GRID2: variants seen among roughly 807,000 people sequenced by gnomAD.
The protein encoded by GRID2 is glutamate ionotropic receptor delta type subunit 2.
A neutral mutation model predicts 114.8 loss-of-function variants in GRID2; 33 were observed. The ratio of observed to expected loss-of-function variants is 0.29; its 90% CI spans 0.22 to 0.38. The LOEUF (loss-of-function observed/expected upper bound fraction) is 0.38. Ranked by LOEUF, GRID2 falls within the 10% of genes least tolerant of loss-of-function variation. The pLI, the probability that GRID2 is intolerant of heterozygous loss-of-function variation, is 1.00. For synonymous variants in GRID2, 505 were observed against 449.9 expected, an observed-to-expected ratio of 1.12 and a Z score of -1.55; for missense variants, 1,184 against 1,257.7, an observed-to-expected ratio of 0.94 and a Z score of 0.89.
intron 9 of GRID2, among the ~76,000 whole-genome samples, chr4:93,397,015 A>G (rs1765395040): frequency 6.6e-6 from 1 of 152,038 alleles, no homozygotes; most frequent in African/African-American, 2.4e-5. Flanking sequence ...ATTAGTAAAT[A>G]GGAGAGGAAG....
At chr4:92,895,652 CATATT>C (rs967291209) in intron 2 of GRID2, among the ~76,000 whole-genome samples, 1 of 151,932 alleles carries the variant, frequency 6.6e-6, no homozygotes, top group African/African-American at 2.4e-5. Context: ...TAAAGACTCT[CATATT>C]GAGTTGAAAG....
intron 2 of GRID2, among the ~76,000 whole-genome samples, chr4:92,870,435 C>T (rs778121607): frequency 3.9e-5 from 6 of 151,938 alleles, no homozygotes; most frequent in South Asian, 4.2e-4. Flanking sequence ...TTCATAAGAA[C>T]GTAGTGAATA....
chr4:92,453,434 G>A (rs1367475997), intron 1 of GRID2, among the ~76,000 whole-genome samples: 3 of 152,164 alleles, frequency 2.0e-5, no homozygotes, highest in Non-Finnish European at 2.9e-5. Flanking sequence ...ATGGCCTCAC[G>A]TATGTATATT....
At chr4:93,479,594 G>C (rs779643739) in intron 11 of GRID2, among the ~76,000 whole-genome samples, 7 of 152,056 alleles carry the variant, frequency 4.6e-5, no homozygotes, top group Non-Finnish European at 1.0e-4. Context: ...GGGATGGGGC[G>C]GGGAACTAGC....
chr4:93,383,942 G>T (rs886495429), intron 8 of GRID2, among the ~76,000 whole-genome samples: 3 of 152,094 alleles, frequency 2.0e-5, no homozygotes, highest in Non-Finnish European at 2.9e-5. Context: ...AAGAAAAGGG[G>T]CTGTCTTAGA....
At chr4:93,009,361 G>T (rs1046529917) in intron 2 of GRID2, among the ~76,000 whole-genome samples, 2 of 152,096 alleles carry the variant, frequency 1.3e-5, no homozygotes, top group African/African-American at 2.4e-5. Flanking sequence ...AATAATCAGG[G>T]TCTGGTGAGA....
chr4:92,758,491 G>A (rs12500864), intron 2 of GRID2, among the ~76,000 whole-genome samples: 2 of 151,954 alleles, frequency 1.3e-5, no homozygotes, highest in African/African-American at 2.4e-5. Flanking sequence ...AGTCAAATAG[G>A]CCTGACTACA....
intron 2 of GRID2, among the ~76,000 whole-genome samples, chr4:92,834,169 A>G (rs1742301804): frequency 2.6e-5 from 4 of 152,176 alleles, no homozygotes; most frequent in Admixed American, 6.6e-5. Flanking sequence ...GTAAGAAACA[A>G]ATGCTAGTAC....
At chr4:93,426,706 A>T in intron 10 of GRID2, among the ~76,000 whole-genome samples, 1 of 152,118 alleles carries the variant, frequency 6.6e-6, no homozygotes, top group East Asian at 1.9e-4. Flanking sequence ...TGTTCTTCAT[A>T]AACAATCAAT....
chr4:93,144,062 G>C (rs544645360), intron 4 of GRID2, among the ~76,000 whole-genome samples: 1 of 152,188 alleles, frequency 6.6e-6, no homozygotes, highest in South Asian at 2.1e-4. Context: ...TTGGAGGGTT[G>C]GGCAAAACAT....
intron 8 of GRID2, chr4:93,318,848 C>G (rs969740407): frequency 1.3e-5 from 2 of 152,086 alleles, no homozygotes; most frequent in Non-Finnish European, 2.9e-5. Flanking sequence ...GATGAGATAT[C>G]CACAGGCAGC....
At chr4:92,892,089 G>A (rs1746830317) in intron 2 of GRID2, among the ~76,000 whole-genome samples, 1 of 151,590 alleles carries the variant, frequency 6.6e-6, no homozygotes, top group Non-Finnish European at 1.5e-5. Flanking sequence ...TTGAGATGGA[G>A]TTTTGCTCTT....
chr4:92,454,278 C>T (rs1166451548), intron 1 of GRID2, among the ~76,000 whole-genome samples: 1 of 151,936 alleles, frequency 6.6e-6, no homozygotes, highest in Non-Finnish European at 1.5e-5. Context: ...TATTCATTAC[C>T]TGATCAGCAA....
chr4:92,805,276 TAC>T (rs1213682203), intron 2 of GRID2, among the ~76,000 whole-genome samples: 3 of 152,092 alleles, frequency 2.0e-5, no homozygotes, highest in African/African-American at 7.2e-5. Flanking sequence ...ACCTCATTTA[TAC>T]AGTTATTTTA....
intron 2 of GRID2, among the ~76,000 whole-genome samples, chr4:92,768,136 C>A (rs1478116040): frequency 6.6e-6 from 1 of 151,902 alleles, no homozygotes; most frequent in Non-Finnish European, 1.5e-5. Flanking sequence ...AAATTATTTT[C>A]TTTTTTAACC....
chr4:93,239,333 C>T (rs1019105405), intron 8 of GRID2, among the ~76,000 whole-genome samples: 3 of 133,342 alleles, frequency 2.2e-5, no homozygotes, highest in African/African-American at 9.7e-5. Flanking sequence ...GATTTGCTAT[C>T]TATCTATCTA....
At chr4:93,082,927 GA>G (rs1729999888) in intron 2 of GRID2, among the ~76,000 whole-genome samples, 1 of 152,012 alleles carries the variant, frequency 6.6e-6, no homozygotes, top group Admixed American at 6.6e-5. Context: ...TTTCATTTTG[GA>G]ATATATCCTT....
intron 2 of GRID2, among the ~76,000 whole-genome samples, chr4:92,707,909 G>A (rs1426589576): frequency 1.3e-5 from 2 of 152,132 alleles, no homozygotes; most frequent in Admixed American, 6.6e-5. Flanking sequence ...GAATTATTCT[G>A]CAGAATTAAA....
At chr4:92,801,990 T>C (rs1740195766) in intron 2 of GRID2, among the ~76,000 whole-genome samples, 1 of 151,942 alleles carries the variant, frequency 6.6e-6, no homozygotes, top group South Asian at 2.1e-4. Context: ...CCACATTGTT[T>C]TTTTTAAAAA....
Sources: gnomAD v4.1 joint callset for allele counts (sites outside exome capture counted in the v4.1 genomes callset) on GRCh38, gnomAD v4.1.1 for gene constraint, MANE v1.5 for transcripts, NCBI Gene and HGNC (gene_info 2026-07-23, HGNC 2026-07-21) for gene names.